STK11: variants seen among roughly 807,000 people sequenced by gnomAD.
STK11 encodes the protein serine/threonine kinase 11, also known as serine/threonine-protein kinase STK11.
Under a neutral mutation model 47.3 loss-of-function variants are expected in STK11, and 8 were observed. The observed-to-expected ratio is 0.17, with a 90% CI of 0.10 to 0.31. The LOEUF is 0.31. Among genes scored for constraint, STK11 ranks in the 10% least tolerant of loss-of-function variants. STK11 has a pLI of 1.00. For missense variants in STK11, 475 were observed against 605.0 expected, an observed-to-expected ratio of 0.79 and a Z score of 2.25; for synonymous variants, 330 against 255.8, an observed-to-expected ratio of 1.29 and a Z score of -2.77.
rs749563734 is a variant in STK11, at chr19:1,220,466, C to T, written c.558C>T (p.Thr186=). ...AGCCGGGGAACCTGCTGCTCACCAC[C>T]GGTGGCACCCTCAAAATCTCCGACC... ...DIKPGNLLLT[T]GGTLKISDLG... The change falls in exon 4 of 10, where the codon ACC becomes ACT. Residue 186 remains threonine, a synonymous_variant. Transcript: ENST00000326873. The T allele has an allele frequency of 1.2e-5, 19 of 1,606,896 alleles. No homozygotes were observed. The highest frequency in any genetic ancestry group is 2.7e-5 in the African/African-American group (2 of 74,836).
chr19:1,213,672 G>A (rs1363087215), intron 1 of STK11, among the ~76,000 whole-genome samples: 1 of 152,234 alleles, frequency 6.6e-6, no homozygotes, highest in Non-Finnish European at 1.5e-5. Flanking sequence ...CTGCTCATCT[G>A]TGGCTGGACA....
At chr19:1,209,584 A>C (rs1310519513) in intron 1 of STK11, among the ~76,000 whole-genome samples, 1 of 51,612 alleles carries the variant, frequency 1.9e-5, no homozygotes, top group East Asian at 1.2e-3. Flanking sequence ...TCTGTCTCAA[A>C]AATAAATAAA....
intron 7 of STK11, 96 bp from the exon 8 acceptor site, chr19:1,222,889 G>A: frequency 7.3e-7 from 1 of 1,372,362 alleles, no homozygotes; most frequent in Non-Finnish European, 9.7e-7. Context: ...GCTCCTGAGT[G>A]TGTGGCAGGT....
chr19:1,209,024 C>T (rs1054954536), intron 1 of STK11, among the ~76,000 whole-genome samples: 8 of 152,110 alleles, frequency 5.3e-5, no homozygotes, highest in Non-Finnish European at 1.0e-4. Flanking sequence ...TAAATGGGAG[C>T]GGCTGGGAAG....
rs864622317 is a variant in STK11, at chr19:1,220,366, C to T, written c.465-7C>T. ...TCGGCCCCAGGACGGGTGTGTGCTG[C>T]CCGCAGGTACTTCTGTCAGCTGATT... On this transcript the variant is annotated splice_polypyrimidine_tract_variant and splice_region_variant and intron_variant, in intron 3 of 9. Transcript: ENST00000326873. The T allele has an allele frequency of 1.9e-6, 3 of 1,596,726 alleles. No homozygotes were observed. Among genetic ancestry groups the T allele is most frequent in the Non-Finnish European group, 2.6e-6 (3 of 1,172,234 alleles).
At chr19:1,223,613 G>A in intron 8 of STK11, 5 of 1,069,372 alleles carry the variant, frequency 4.7e-6, no homozygotes, top group Non-Finnish European at 5.7e-6. Context: ...CGCTGGCCCT[G>A]ATGCCGGCCG....
intron 8 of STK11, chr19:1,224,647 C>T (rs2080808488): frequency 7.1e-5 from 70 of 985,636 alleles, no homozygotes; most frequent in Non-Finnish European, 8.3e-5. Context: ...GGCTTCCCTC[C>T]TGGGGACCCT....
intron 8 of STK11, chr19:1,225,192 A>G (rs1053716410): frequency 2.0e-6 from 2 of 985,262 alleles, no homozygotes; most frequent in East Asian, 1.1e-4. Flanking sequence ...CCTTGTCCAC[A>G]GGGTCTGCCC....
chr19:1,208,728 G>A (rs1364010326), intron 1 of STK11, among the ~76,000 whole-genome samples: 5 of 127,660 alleles, frequency 3.9e-5, no homozygotes, highest in East Asian at 4.7e-4. Flanking sequence ...AGTGATTCTC[G>A]TGCCTCAGCC....
chr19:1,225,798 C>T (rs1303530101), intron 8 of STK11: 1 of 985,480 alleles, frequency 1.0e-6, no homozygotes, highest in Non-Finnish European at 1.2e-6. Flanking sequence ...ACCACCACGG[C>T]TCCTCGCAGG....
At chr19:1,211,371 G>T (rs542209384) in intron 1 of STK11, among the ~76,000 whole-genome samples, 2 of 152,242 alleles carry the variant, frequency 1.3e-5, no homozygotes, top group African/African-American at 4.8e-5. Context: ...GGGAAGGGCT[G>T]GAAAGGGTCG....
At chr19:1,209,816 T>C (rs1214046636) in intron 1 of STK11, among the ~76,000 whole-genome samples, 1 of 151,544 alleles carries the variant, frequency 6.6e-6, no homozygotes, top group Non-Finnish European at 1.5e-5. Flanking sequence ...GGCAAGAAGG[T>C]TGCAGGAACC....
In STK11 at chr19:1,206,867, C is replaced by A; in HGVS notation, c.-47C>A. On this transcript the variant is annotated 5_prime_UTR_variant, in exon 1 of 10. Transcript: ENST00000326873. Reference sequence around the variant, plus strand: ...CGGAACACAAGGAAGGACCGCTCACCCGCGGACTCAGGGCTGGCGGCGGGA... The same window carrying A: ...CGGAACACAAGGAAGGACCGCTCACACGCGGACTCAGGGCTGGCGGCGGGA... 1 of 1,530,632 alleles carries A rather than the reference C, an allele frequency of 6.5e-7. No individual in the cohort carries two copies. Among genetic ancestry groups the A allele is most frequent in the African/African-American group, 1.4e-5 (1 of 72,874 alleles). 94.8% of individuals were successfully genotyped at this position (1,530,632 alleles called of 1,614,324 possible). A position where few individuals can be genotyped will look rare whatever the true frequency, so the allele number is the denominator to read the frequency against.
At chr19:1,207,616 C>T (rs762569691) in intron 1 of STK11, among the ~76,000 whole-genome samples, 2 of 152,166 alleles carry the variant, frequency 1.3e-5, no homozygotes, top group East Asian at 1.9e-4. Context: ...ACGTTTTCTG[C>T]GCAGTGTGTG....
intron 8 of STK11, chr19:1,225,006 C>T: frequency 1.0e-6 from 1 of 985,388 alleles, no homozygotes; most frequent in African/African-American, 1.7e-5. Context: ...CTGCATCGGC[C>T]TCTGCGTGCC....
At chr19:1,212,568 T>G (rs1477269683) in intron 1 of STK11, among the ~76,000 whole-genome samples, 1 of 151,866 alleles carries the variant, frequency 6.6e-6, no homozygotes, top group Admixed American at 6.6e-5. Context: ...CTTTATTTAC[T>G]TATTTATTTA....
intron 6 of STK11, chr19:1,221,717 G>C: frequency 1.6e-6 from 1 of 606,402 alleles, no homozygotes; most frequent in South Asian, 2.0e-5. Flanking sequence ...GAACGGAACC[G>C]CCCTGGCCGT....
Position 1,221,425 on chromosome 19 carries a change from G to A in STK11, c.862+85G>A, listed in dbSNP as rs1007885069. ...TAGGGTTGGGGGTGTCAGGTGGGGG[G>A]CTATTGGCCCCGAGACCCCAGCAGG... On this transcript the variant is annotated intron_variant, in intron 6 of 9. Coordinates refer to ENST00000326873, the MANE Select transcript of STK11 (RefSeq NM_000455.5). 25 of 1,470,100 alleles carry A rather than the reference G, an allele frequency of 1.7e-5. 1 individual carries two copies. The African/African-American group carries it at 2.2e-4, about 13-fold the overall frequency. The allele number at this position is 1,470,100 out of a possible 1,614,324, so 91.1% of individuals were successfully genotyped here.
intron 3 of STK11, among the ~76,000 whole-genome samples, chr19:1,219,672 A>G (rs2080769065): frequency 6.6e-6 from 1 of 151,560 alleles, no homozygotes; most frequent in Admixed American, 6.6e-5. Context: ...CAGCTTCCCG[A>G]GTAGCTGGGA....
Sources: allele counts gnomAD v4.1 joint callset (sites outside exome capture counted in the v4.1 genomes callset), GRCh38; gene constraint gnomAD v4.1.1; transcripts MANE v1.5; gene names NCBI Gene and HGNC (gene_info 2026-07-23, HGNC 2026-07-21).